Variants in SORT1 observed in about 807,000 individuals in gnomAD.
The protein encoded by SORT1 is sortilin 1.
A neutral mutation model predicts 101.7 loss-of-function variants in SORT1; 39 were observed. The ratio of observed to expected loss-of-function variants is 0.38; its 90% CI spans 0.30 to 0.50. The LOEUF (loss-of-function observed/expected upper bound fraction) is 0.50. SORT1 is among the 20% of genes least tolerant of loss of function. The pLI is 0.90. For missense variants in SORT1, 878 were observed against 1,040.4 expected (o/e 0.84, Z 2.15); for synonymous variants, 396 against 393.7 (o/e 1.01, Z -0.07).
At chr1:109,341,438 C>G (rs1208866933) in intron 9 of SORT1, among the ~76,000 whole-genome samples, 3 of 152,082 alleles carry the variant, frequency 2.0e-5, no homozygotes, top group Non-Finnish European at 4.4e-5. Flanking sequence ...GCTCCACCTC[C>G]CGGGTTCATG....
intron 1 of SORT1, among the ~76,000 whole-genome samples, chr1:109,393,738 G>A (rs188988954): frequency 7.8e-4 from 118 of 152,234 alleles, no homozygotes; most frequent in African/African-American, 2.6e-3. Context: ...TGCTAATTAT[G>A]TGCCAGACAT....
At chr1:109,327,382 A>G in intron 12 of SORT1, 117 bp downstream of exon 12, 1 of 735,630 alleles carries the variant, frequency 1.4e-6, no homozygotes. Flanking sequence ...AAATTCTACC[A>G]AAGGAATGTA....
chr1:109,378,212 G>A (rs1651981320), intron 1 of SORT1, among the ~76,000 whole-genome samples: 1 of 151,786 alleles, frequency 6.6e-6, no homozygotes, highest in Non-Finnish European at 1.5e-5. Flanking sequence ...ACTCTAGTCT[G>A]GAAAACAGAG....
At chr1:109,324,131 CCTT>C (rs911185838) in intron 14 of SORT1, among the ~76,000 whole-genome samples, 1 of 77,980 alleles carries the variant, frequency 1.3e-5, no homozygotes, top group Non-Finnish European at 2.9e-5. Flanking sequence ...TCTTTATCCC[CCTT>C]CTTTTTTTTT....
At chr1:109,347,582 G>T in intron 6 of SORT1, 50 bp from the exon 7 acceptor site, 2 of 1,301,660 alleles carry the variant, frequency 1.5e-6, no homozygotes, top group Non-Finnish European at 2.2e-6. Context: ...ACTGCTGAAG[G>T]ACTGTGTTGA....
chr1:109,323,959 A>G (rs1647812009), intron 14 of SORT1, among the ~76,000 whole-genome samples: 1 of 152,184 alleles, frequency 6.6e-6, no homozygotes, highest in Admixed American at 6.5e-5. Flanking sequence ...TGAGGTCCAA[A>G]CCAAGGGTCT....
intron 1 of SORT1, among the ~76,000 whole-genome samples, chr1:109,395,500 C>T (rs1653140010): frequency 6.6e-6 from 1 of 151,798 alleles, no homozygotes; most frequent in South Asian, 2.1e-4. Flanking sequence ...AGATTACAGG[C>T]ATGAGCCACC....
chr1:109,318,043 T>C (rs2101530184), intron 15 of SORT1, 74 bp from the exon 16 acceptor site: 2 of 893,220 alleles, frequency 2.2e-6, no homozygotes, highest in South Asian at 2.8e-5. Context: ...TGAAGGGTTA[T>C]GTGGGGTAGT....
In SORT1 at chr1:109,327,009, A is replaced by G; in HGVS notation, c.1626T>C (p.Arg542=). The part of the protein sequence containing the change: ...GIIVAIEHSS[R]PINVIKFSTD... ...ATGCATACTTAATCACATTGATAGG[A>G]CGGCTGCTGTGCTCAATGGCCACAA... The change falls in exon 13 of 20, where the codon CGT becomes CGC. Residue 542 remains arginine, a synonymous_variant. Coordinates refer to ENST00000256637, the MANE Select transcript of SORT1 (RefSeq NM_002959.7). The G allele has an allele frequency of 6.2e-7, 1 of 1,611,862 alleles. No homozygotes were observed. Among genetic ancestry groups the G allele is most frequent in the Non-Finnish European group, 8.5e-7 (1 of 1,179,658 alleles).
intron 3 of SORT1, among the ~76,000 whole-genome samples, chr1:109,362,079 G>A (rs746586488): frequency 2.6e-5 from 4 of 152,112 alleles, no homozygotes; most frequent in Non-Finnish European, 5.9e-5. Flanking sequence ...CCTCATGGAG[G>A]AAATACGAGT....
chr1:109,340,690 A>T (rs781504941), intron 10 of SORT1, 34 bp downstream of exon 10: 9 of 1,611,216 alleles, frequency 5.6e-6, no homozygotes. Flanking sequence ...ATGCAGCTGA[A>T]GGCACAGTAC....
chr1:109,391,679 C>T (rs545092910), intron 1 of SORT1, among the ~76,000 whole-genome samples: 1 of 152,268 alleles, frequency 6.6e-6, no homozygotes, highest in East Asian at 1.9e-4. Flanking sequence ...CATGAACATT[C>T]ATTCAACCAA....
rs768522312 is a variant in SORT1 at position 109,354,519 on chromosome 1, C to T, written c.556G>A (p.Ala186Thr). The T allele has an allele frequency of 1.2e-6, 2 of 1,612,380 alleles. No homozygotes were observed. Among genetic ancestry groups the T allele is most frequent in the East Asian group, 2.2e-5 (1 of 44,860 alleles). ...CCACGACTTCCTCCAGACACCTCTG[C>T]TGTTAACACCACCTGATAGGAAGAG... ...PENSGKVVLT[A>T]EVSGGSRGGR... Residue 186 changes from alanine (A) to threonine (T), a missense_variant, in exon 5 of 20, where the codon GCA becomes ACA. Transcript: ENST00000256637.
chr1:109,329,949 T>C (rs1648347972), intron 11 of SORT1, among the ~76,000 whole-genome samples: 1 of 152,208 alleles, frequency 6.6e-6, no homozygotes, highest in Non-Finnish European at 1.5e-5. Context: ...ATAGTGCATA[T>C]GTTAGGCCAC....
At chr1:109,351,962 A>AGG (rs201878566) in intron 5 of SORT1, among the ~76,000 whole-genome samples, 12,126 of 105,176 alleles carry the variant, frequency 0.12, 533 homozygotes, top group African/African-American at 0.14. Flanking sequence ...GATGAGAGGT[A>AGG]GGGGTGTGTG....
chr1:109,312,033 G>A lies in SORT1; in HGVS notation c.*2010C>T, dbSNP rs1003610790. 1.3e-5 allele frequency: 2 copies of A among 152,268 alleles called. No homozygotes were observed. The highest frequency in any genetic ancestry group is 4.8e-5 in the African/African-American group (2 of 41,438). The allele number at this position is 152,268 out of a possible 1,614,324, so 9.4% of individuals were successfully genotyped here. On this transcript the variant is annotated 3_prime_UTR_variant, in exon 20 of 20. Coordinates refer to ENST00000256637, the MANE Select transcript of SORT1 (RefSeq NM_002959.7). Reference sequence around the variant, plus strand: ...ATCATTAAAAGCGAAGAGCCCTATCGTATATGGTTAGAGAAGAATATTGAG... The same window carrying A: ...ATCATTAAAAGCGAAGAGCCCTATCATATATGGTTAGAGAAGAATATTGAG...
At chr1:109,351,871 G>C (rs765234992) in intron 5 of SORT1, among the ~76,000 whole-genome samples, 6 of 152,156 alleles carry the variant, frequency 3.9e-5, no homozygotes, top group Non-Finnish European at 7.3e-5. Context: ...ATGAGGTCTT[G>C]AACACTGGCC....
chr1:109,333,819 T>C (rs1433678627), intron 11 of SORT1, among the ~76,000 whole-genome samples: 1 of 152,208 alleles, frequency 6.6e-6, no homozygotes, highest in Non-Finnish European at 1.5e-5. Flanking sequence ...GGTACAGCCA[T>C]TATGCAATAC....
rs115103911 is a variant in SORT1, at chr1:109,388,170, C to T, written c.306+9417G>A. ...ATAGCTTTGAACTCCTGGGCTCAAGCTATCCTCCTGCCTCAGCCTTCCAAA... is the reference window on the plus strand; with the variant it reads ...ATAGCTTTGAACTCCTGGGCTCAAGTTATCCTCCTGCCTCAGCCTTCCAAA... On this transcript the variant is annotated intron_variant, in intron 1 of 19. Coordinates refer to ENST00000256637, the MANE Select transcript of SORT1 (RefSeq NM_002959.7). Among the ~76,000 whole-genome samples the T allele has an allele frequency of 3.9e-3, 586 of 150,806 alleles. 4 individuals are homozygous for T. Among genetic ancestry groups the T allele is most frequent in the South Asian group, 0.024 (114 of 4,768 alleles).
Sources: gnomAD v4.1 joint callset for allele counts (sites outside exome capture counted in the v4.1 genomes callset) on GRCh38, gnomAD v4.1.1 for gene constraint, MANE v1.5 for transcripts, NCBI Gene and HGNC (gene_info 2026-07-23, HGNC 2026-07-21) for gene names.